The following EYA3 variants were observed in gnomAD, a reference collection of about 807,000 sequenced individuals.
EYA3 encodes EYA transcriptional coactivator and phosphatase 3.
EYA3 carries 39 observed loss-of-function variants against 80.0 expected under a neutral mutation model. The observed-to-expected ratio is 0.49, with a 90% CI of 0.38 to 0.64. EYA3 has a LOEUF of 0.64. Ranked by LOEUF, EYA3 falls within the 30% of genes least tolerant of loss-of-function variation. The pLI, the probability that EYA3 is intolerant of heterozygous loss-of-function variation, is 0.00. For missense variants in EYA3, 523 were observed against 676.1 expected (o/e 0.77, Z 2.51); for synonymous variants, 206 against 232.8 (o/e 0.88, Z 1.05).
At chr1:28,020,323 G>A (rs1313054973) in intron 7 of EYA3, among the ~76,000 whole-genome samples, 2 of 152,102 alleles carry the variant, frequency 1.3e-5, no homozygotes, top group Non-Finnish European at 2.9e-5. Flanking sequence ...GACCCAGAAA[G>A]TTCATAGGGC....
intron 11 of EYA3, among the ~76,000 whole-genome samples, chr1:28,001,497 G>A (rs188938610): frequency 2.1e-5 from 3 of 143,680 alleles, no homozygotes; most frequent in East Asian, 2.0e-4. Flanking sequence ...GCCTGTAATC[G>A]CAGCACTTTG....
chr1:28,015,304 C>T (rs958929183), intron 8 of EYA3, among the ~76,000 whole-genome samples: 1 of 152,152 alleles, frequency 6.6e-6, no homozygotes, highest in East Asian at 1.9e-4. Flanking sequence ...AAACAAAGGA[C>T]CTCTGTAGGC....
chr1:28,007,343 T>C (rs1230616547), intron 10 of EYA3, among the ~76,000 whole-genome samples: 2 of 150,906 alleles, frequency 1.3e-5, no homozygotes, highest in Non-Finnish European at 3.0e-5. Context: ...CTTTCTTTTT[T>C]TTTTTTTTTC....
intron 14 of EYA3, among the ~76,000 whole-genome samples, chr1:27,991,293 A>G (rs1640045105): frequency 6.6e-6 from 1 of 152,184 alleles, no homozygotes; most frequent in South Asian, 2.1e-4. Flanking sequence ...CAGAACTTCC[A>G]TGGTGACTAC....
In EYA3 at chr1:28,035,534, A is replaced by G; in HGVS notation, c.361+10T>C. The G allele has an allele frequency of 6.2e-7, 1 of 1,611,390 alleles. No individual in the cohort carries two copies. Among genetic ancestry groups the G allele is most frequent in the Non-Finnish European group, 8.5e-7 (1 of 1,179,188 alleles). On this transcript the variant is annotated intron_variant, in intron 6 of 17. Coordinates refer to ENST00000373871, the MANE Select transcript of EYA3 (RefSeq NM_001990.4). ...CATTCTTAGAAATTGTTTACAATAC[A>G]GTGCCTTACCAAAAGGAGGTAGTCC...
At chr1:28,079,703 C>A (rs1337526743) in intron 1 of EYA3, among the ~76,000 whole-genome samples, 7 of 152,154 alleles carry the variant, frequency 4.6e-5, no homozygotes, top group Non-Finnish European at 7.3e-5. Flanking sequence ...ACCTCCCTCT[C>A]TCAATGATTG....
At position 28,025,459 on chromosome 1, in the gene EYA3, T is replaced by G. The variant is rs570686542; in HGVS notation, c.499+2330A>C. ...AGAATGCCCAGCTAATGTCCTGCCT[T>G]AATTATTTGCTAATACTGTGACTAT... On this transcript the variant is annotated intron_variant, in intron 7 of 17. Transcript: ENST00000373871. Among the ~76,000 whole-genome samples the G allele has an allele frequency of 1.6e-4, 25 of 152,356 alleles. No homozygotes were observed. In the South Asian group the frequency reaches 5.0e-3, roughly 30 times the overall value.
intron 13 of EYA3, among the ~76,000 whole-genome samples, chr1:27,996,111 G>A (rs924583028): frequency 2.0e-5 from 3 of 152,212 alleles, no homozygotes; most frequent in Admixed American, 1.3e-4. Flanking sequence ...GACCTCAAGT[G>A]ATTGGCCCGC....
intron 1 of EYA3, among the ~76,000 whole-genome samples, chr1:28,084,596 T>TATATATATATATA (rs56396330): frequency 1.5e-3 from 18 of 12,316 alleles, no homozygotes; most frequent in South Asian, 8.9e-3. Context: ...TATATATATA[T>TATATATATATATA]TTTTTTTTTT....
At chr1:28,084,570 T>TATATATAC (rs1645551207) in intron 1 of EYA3, among the ~76,000 whole-genome samples, 1 of 10,320 alleles carries the variant, frequency 9.7e-5, no homozygotes, top group East Asian at 2.4e-3. Flanking sequence ...TATATATATA[T>TATATATAC]ATATATATAT....
At chr1:28,086,781 G>A (rs769843764) in intron 1 of EYA3, among the ~76,000 whole-genome samples, 1 of 152,178 alleles carries the variant, frequency 6.6e-6, no homozygotes, top group Non-Finnish European at 1.5e-5. Flanking sequence ...GCTAGAGCTA[G>A]GTAGTGGGGA....
intron 2 of EYA3, 37 bp from the exon 3 acceptor site, chr1:28,048,463 G>A: frequency 6.4e-7 from 1 of 1,554,278 alleles, no homozygotes; most frequent in Non-Finnish European, 8.8e-7. Flanking sequence ...CAATGTACTT[G>A]ATCTGTTTTT....
chr1:28,063,426 G>A (rs921476907), intron 1 of EYA3, among the ~76,000 whole-genome samples: 9 of 133,348 alleles, frequency 6.7e-5, no homozygotes, highest in Admixed American at 1.7e-4. Flanking sequence ...GCGTAATCTC[G>A]GCTCACCGCA....
chr1:27,994,720 T>G (rs535339420), intron 13 of EYA3, among the ~76,000 whole-genome samples: 1 of 152,168 alleles, frequency 6.6e-6, no homozygotes, highest in Admixed American at 6.5e-5. Flanking sequence ...TAATTCCAAC[T>G]ATTTGGGAGG....
chr1:28,078,014 TTAA>T (rs1236166332), intron 1 of EYA3, among the ~76,000 whole-genome samples: 1 of 152,222 alleles, frequency 6.6e-6, no homozygotes, highest in Non-Finnish European at 1.5e-5. Flanking sequence ...AGTTTTTTTA[TTAA>T]TGTTTTATTT....
At chr1:28,011,147 G>A (rs1213751781) in intron 9 of EYA3, 61 bp from the exon 10 acceptor site, 3 of 1,561,232 alleles carry the variant, frequency 1.9e-6, no homozygotes, top group Admixed American at 1.8e-5. Flanking sequence ...ATCAGGGCAG[G>A]AAGAGGGTTA....
At chr1:27,993,601 CAT>C in intron 13 of EYA3, 41 bp from the exon 14 acceptor site, 1 of 1,515,958 alleles carries the variant, frequency 6.6e-7, no homozygotes, top group Non-Finnish European at 8.8e-7. Flanking sequence ...ATTTATACAG[CAT>C]AAAGTTTTTG....
chr1:28,067,228 A>C (rs1322129674), intron 1 of EYA3, among the ~76,000 whole-genome samples: 1 of 152,236 alleles, frequency 6.6e-6, no homozygotes, highest in Non-Finnish European at 1.5e-5. Context: ...TACTTTTAAA[A>C]ATAGTATAAG....
chr1:28,077,690 TA>T (rs1439404793), intron 1 of EYA3, among the ~76,000 whole-genome samples: 1 of 152,182 alleles, frequency 6.6e-6, no homozygotes, highest in African/African-American at 2.4e-5. Context: ...AGAAATTTTT[TA>T]AAAAATCTGT....
Sources: allele counts gnomAD v4.1 joint callset (sites outside exome capture counted in the v4.1 genomes callset), GRCh38; gene constraint gnomAD v4.1.1; transcripts MANE v1.5; gene names NCBI Gene and HGNC (gene_info 2026-07-23, HGNC 2026-07-21).